PLD5: variants seen among roughly 807,000 people sequenced by gnomAD.
The protein encoded by PLD5 is inactive phospholipase D5.
In PLD5, 36 loss-of-function variants were observed where a neutral mutation model predicts 61.1. The ratio of observed to expected loss-of-function variants is 0.59; its 90% CI spans 0.45 to 0.78. The LOEUF is 0.78. PLD5 is among the 30% of genes least tolerant of loss of function. The pLI is 0.00. For synonymous variants in PLD5, 243 were observed against 242.8 expected, an observed-to-expected ratio of 1.00 and a Z score of -0.01; for missense variants, 515 against 644.4, an observed-to-expected ratio of 0.80 and a Z score of 2.17.
intron 2 of PLD5, among the ~76,000 whole-genome samples, chr1:242,332,036 A>G (rs1312951770): frequency 1.3e-5 from 2 of 151,462 alleles, no homozygotes; most frequent in South Asian, 2.1e-4. Context: ...TCCCTCCCCT[A>G]GCCTCCCACC....
intron 1 of PLD5, among the ~76,000 whole-genome samples, chr1:242,494,931 A>G (rs1278738748): frequency 7.1e-6 from 1 of 140,382 alleles, no homozygotes; most frequent in South Asian, 2.2e-4. Flanking sequence ...TCCCTTACTA[A>G]TGTCCTGCAG....
At chr1:242,288,660 A>G (rs1675171616) in intron 2 of PLD5, 130 bp from the exon 3 acceptor site, 1 of 1,420,326 alleles carries the variant, frequency 7.0e-7, no homozygotes, top group Non-Finnish European at 9.2e-7. Context: ...TCTCCTCATA[A>G]TTTACATATT....
chr1:242,435,229 G>C (rs552554381), intron 1 of PLD5, among the ~76,000 whole-genome samples: 3 of 152,116 alleles, frequency 2.0e-5, no homozygotes, highest in South Asian at 2.1e-4. Context: ...TACTCACAAG[G>C]GCTTTGATGG....
At chr1:242,241,573 ATGCCAAAATC>A (rs1290476385) in intron 4 of PLD5, among the ~76,000 whole-genome samples, 2 of 152,110 alleles carry the variant, frequency 1.3e-5, no homozygotes, top group Non-Finnish European at 2.9e-5. Flanking sequence ...ATAAGGTGGT[ATGCCAAAATC>A]TGCCACTGTG....
At chr1:242,177,271 T>C (rs1205349679) in intron 5 of PLD5, among the ~76,000 whole-genome samples, 2 of 152,132 alleles carry the variant, frequency 1.3e-5, no homozygotes, top group Admixed American at 6.6e-5. Flanking sequence ...TGCAGGCACA[T>C]GGATGAAGCT....
At chr1:242,404,431 T>C (rs1380957367) in intron 1 of PLD5, among the ~76,000 whole-genome samples, 1 of 152,130 alleles carries the variant, frequency 6.6e-6, no homozygotes, top group African/African-American at 2.4e-5. Flanking sequence ...TCTCATCAAA[T>C]GCACAGAATC....
At chr1:242,241,343 A>G (rs986222786) in intron 4 of PLD5, among the ~76,000 whole-genome samples, 1 of 152,186 alleles carries the variant, frequency 6.6e-6, no homozygotes, top group Non-Finnish European at 1.5e-5. Context: ...TGGTCCCAGA[A>G]GTTATGAGAT....
intron 8 of PLD5, 104 bp from the exon 9 acceptor site, chr1:242,100,886 A>C: frequency 1.4e-6 from 1 of 732,640 alleles, no homozygotes; most frequent in Non-Finnish European, 2.3e-6. Flanking sequence ...ATAGACCTCA[A>C]GTTGGGTTAT....
intron 1 of PLD5, among the ~76,000 whole-genome samples, chr1:242,428,447 G>T (rs2654873): frequency 0.26 from 39,855 of 152,126 alleles, 5,536 homozygotes; most frequent in Admixed American, 0.31. Flanking sequence ...AGTGAACAGT[G>T]GTTGAAAAAA....
intron 1 of PLD5, among the ~76,000 whole-genome samples, chr1:242,364,988 A>G (rs1661265110): frequency 6.6e-6 from 1 of 150,966 alleles, no homozygotes; most frequent in Non-Finnish European, 1.5e-5. Context: ...AAAAAAAAAG[A>G]GAAGATACAA....
intron 5 of PLD5, among the ~76,000 whole-genome samples, chr1:242,172,578 A>G (rs759333682): frequency 2.0e-5 from 3 of 152,196 alleles, no homozygotes; most frequent in Non-Finnish European, 2.9e-5. Context: ...AAAAAAATCA[A>G]TGAATCCAGG....
chr1:242,280,731 T>G (rs1574659041), intron 3 of PLD5, among the ~76,000 whole-genome samples: 1 of 152,224 alleles, frequency 6.6e-6, no homozygotes, highest in East Asian at 1.9e-4. Flanking sequence ...GATGTTATTT[T>G]CTTGGGTTAA....
chr1:242,371,683 A>G (rs768931433), intron 1 of PLD5, among the ~76,000 whole-genome samples: 29 of 152,196 alleles, frequency 1.9e-4, no homozygotes, highest in Non-Finnish European at 3.2e-4. Flanking sequence ...CAGAGCTTGC[A>G]TGGGGCTTTC....
chr1:242,350,622 A>G (rs1049333122), intron 1 of PLD5, among the ~76,000 whole-genome samples: 6 of 152,148 alleles, frequency 3.9e-5, no homozygotes, highest in Non-Finnish European at 7.4e-5. Context: ...CTTAAATGAC[A>G]GATTGTAGTT....
chr1:242,172,129 A>G (rs1053052325), intron 5 of PLD5, among the ~76,000 whole-genome samples: 1 of 152,210 alleles, frequency 6.6e-6, no homozygotes, highest in Non-Finnish European at 1.5e-5. Context: ...CACGTAATTG[A>G]AGGAAAACAC....
intron 4 of PLD5, among the ~76,000 whole-genome samples, chr1:242,246,338 C>A (rs1340450357): frequency 2.0e-5 from 3 of 152,054 alleles, no homozygotes; most frequent in Middle Eastern, 3.2e-3. Flanking sequence ...TGCACTGCAG[C>A]CCGGGCAACA....
intron 5 of PLD5, among the ~76,000 whole-genome samples, chr1:242,213,142 A>G (rs1669935317): frequency 3.3e-5 from 5 of 152,166 alleles, no homozygotes; most frequent in Admixed American, 3.3e-4. Context: ...ATTGGCCTAT[A>G]ATTGTTATTG....
chr1:242,360,858 AC>A (rs1661028014), intron 1 of PLD5, among the ~76,000 whole-genome samples: 1 of 152,158 alleles, frequency 6.6e-6, no homozygotes, highest in Admixed American at 6.5e-5. Flanking sequence ...AAACAAACAA[AC>A]AAAAAGCTTT....
chr1:242,448,785 G>A (rs546342226), intron 1 of PLD5, among the ~76,000 whole-genome samples: 9 of 152,216 alleles, frequency 5.9e-5, no homozygotes, highest in East Asian at 1.9e-4. Context: ...AAGTCAGATC[G>A]TTCTTTCTTT....
Sources: allele counts gnomAD v4.1 joint callset (sites outside exome capture counted in the v4.1 genomes callset), GRCh38; gene constraint gnomAD v4.1.1; transcripts MANE v1.5; gene names NCBI Gene and HGNC (gene_info 2026-07-23, HGNC 2026-07-21).